ELMO1: variants seen among roughly 807,000 people sequenced by gnomAD.
ELMO1 encodes engulfment and cell motility 1.
In ELMO1, 26 loss-of-function variants were observed where a neutral mutation model predicts 98.9. That is an observed-to-expected ratio of 0.26 (90% confidence interval 0.19 to 0.36). ELMO1 has a LOEUF of 0.36. ELMO1 is among the 10% of genes least tolerant of loss of function. ELMO1 has a pLI of 1.00. For missense variants in ELMO1, 627 were observed against 935.2 expected (o/e 0.67, Z 4.30); for synonymous variants, 346 against 346.0 (o/e 1.00, Z 0.00).
intron 1 of ELMO1, among the ~76,000 whole-genome samples, chr7:37,377,600 C>T (rs1183299303): frequency 6.6e-6 from 1 of 152,014 alleles, no homozygotes; most frequent in African/African-American, 2.4e-5. Flanking sequence ...CTCCAGGAGC[C>T]CTTTTCTCCT....
At position 37,237,755 on chromosome 7, in the gene ELMO1, T is replaced by C. The variant is rs987837913; in HGVS notation, c.450-4561A>G. 2.0e-5 allele frequency among the ~76,000 whole-genome samples: 3 copies of C among 152,212 alleles called. No homozygotes were observed. The East Asian group carries it at 5.8e-4, about 29-fold the overall frequency. ...TTGAGGAAGTAAAATGTATATACAT[T>C]GAAAGGTATGGATTTATAAGTCATC... On this transcript the variant is annotated intron_variant, in intron 7 of 21. Coordinates refer to ENST00000310758, the MANE Select transcript of ELMO1 (RefSeq NM_014800.11).
At chr7:37,026,869 C>A (rs1006245868) in intron 15 of ELMO1, among the ~76,000 whole-genome samples, 2 of 152,228 alleles carry the variant, frequency 1.3e-5, no homozygotes, top group African/African-American at 4.8e-5. Context: ...TTTGTCATGT[C>A]TGCATCCTTC....
chr7:37,231,890 TC>T (rs1228550239), intron 8 of ELMO1, among the ~76,000 whole-genome samples: 1 of 152,156 alleles, frequency 6.6e-6, no homozygotes, highest in Non-Finnish European at 1.5e-5. Context: ...TCTCACTCCG[TC>T]ACCCAGACTG....
chr7:36,886,179 C>A (rs927357419), intron 18 of ELMO1, among the ~76,000 whole-genome samples: 2 of 152,200 alleles, frequency 1.3e-5, no homozygotes, highest in African/African-American at 4.8e-5. Context: ...CCCTCTTCCA[C>A]TGGTCTCACT....
intron 16 of ELMO1, among the ~76,000 whole-genome samples, chr7:36,920,154 G>A (rs909348535): frequency 6.6e-6 from 1 of 152,192 alleles, no homozygotes; most frequent in African/African-American, 2.4e-5. Context: ...CCTTGGCCAG[G>A]CCACCACACA....
intron 13 of ELMO1, among the ~76,000 whole-genome samples, chr7:37,199,453 C>T (rs1170014137): frequency 1.3e-5 from 2 of 152,164 alleles, no homozygotes; most frequent in African/African-American, 4.8e-5. Flanking sequence ...GAACAAGACC[C>T]TGTCTCAAAA....
At chr7:36,882,729 T>C (rs1804581941) in intron 18 of ELMO1, among the ~76,000 whole-genome samples, 2 of 152,226 alleles carry the variant, frequency 1.3e-5, no homozygotes, top group African/African-American at 2.4e-5. Flanking sequence ...TGGTCATAAT[T>C]ATATGAGTAA....
chr7:37,057,205 C>T (rs984696145), intron 15 of ELMO1, among the ~76,000 whole-genome samples: 3 of 151,794 alleles, frequency 2.0e-5, no homozygotes, highest in Non-Finnish European at 4.4e-5. Context: ...ACATTTGTGG[C>T]GGGCTTTACA....
chr7:37,122,144 C>G (rs1786099594), intron 14 of ELMO1, among the ~76,000 whole-genome samples: 1 of 152,140 alleles, frequency 6.6e-6, no homozygotes, highest in South Asian at 2.1e-4. Context: ...AAGCACTAAA[C>G]ATGGAAAGGA....
At chr7:36,980,420 T>C (rs1363535562) in intron 16 of ELMO1, among the ~76,000 whole-genome samples, 6 of 152,190 alleles carry the variant, frequency 3.9e-5, no homozygotes, top group Admixed American at 3.3e-4. Context: ...GACGGATAGA[T>C]AGTTCAGAAG....
At chr7:36,879,276 C>T (rs550815457) in intron 18 of ELMO1, among the ~76,000 whole-genome samples, 4 of 152,284 alleles carry the variant, frequency 2.6e-5, no homozygotes, top group South Asian at 4.1e-4. Flanking sequence ...GCACAGTTGG[C>T]GTTGGCTAAG....
At chr7:36,973,765 C>G (rs569545853) in intron 16 of ELMO1, among the ~76,000 whole-genome samples, 1 of 152,138 alleles carries the variant, frequency 6.6e-6, no homozygotes, top group Non-Finnish European at 1.5e-5. Flanking sequence ...GAGCGGGAAC[C>G]GGGGCTGCGC....
intron 15 of ELMO1, among the ~76,000 whole-genome samples, chr7:37,066,817 G>C (rs1584591401): frequency 3.9e-5 from 6 of 152,158 alleles, no homozygotes; most frequent in African/African-American, 1.2e-4. Context: ...TTGGACTCAA[G>C]AGCTTGCATG....
chr7:37,199,519 C>A (rs1230508695), intron 13 of ELMO1, among the ~76,000 whole-genome samples: 2 of 152,128 alleles, frequency 1.3e-5, no homozygotes, highest in Non-Finnish European at 2.9e-5. Context: ...AGAAGGAGTC[C>A]ACAGGTCATG....
At chr7:37,136,405 T>C (rs911711998) in intron 13 of ELMO1, among the ~76,000 whole-genome samples, 2 of 152,048 alleles carry the variant, frequency 1.3e-5, no homozygotes, top group African/African-American at 2.4e-5. Flanking sequence ...AAAAACATCA[T>C]CACCTAGGCA....
intron 14 of ELMO1, among the ~76,000 whole-genome samples, chr7:37,128,907 C>A (rs2541081): frequency 3.3e-5 from 5 of 151,854 alleles, no homozygotes; most frequent in African/African-American, 1.2e-4. Flanking sequence ...ACATTTAAGG[C>A]TGTACAATGT....
chr7:36,883,174 A>G (rs1286860940), intron 18 of ELMO1, among the ~76,000 whole-genome samples: 3 of 152,194 alleles, frequency 2.0e-5, no homozygotes, highest in Non-Finnish European at 2.9e-5. Flanking sequence ...GAGTTCCAAC[A>G]TAAGCCTGTC....
chr7:36,879,452 CTAAAAAGCTCTTCATTATATTT>C (rs991871304), intron 18 of ELMO1, among the ~76,000 whole-genome samples: 6 of 152,246 alleles, frequency 3.9e-5, no homozygotes, highest in African/African-American at 1.4e-4. Context: ...GCCACTCTAA[CTAAAAAGCTCTTCATTATATTT>C]TAAGAAAAGT....
chr7:37,244,899 G>A (rs1369085589), intron 6 of ELMO1, among the ~76,000 whole-genome samples: 1 of 152,248 alleles, frequency 6.6e-6, no homozygotes, highest in African/African-American at 2.4e-5. Flanking sequence ...TTGCACTAGT[G>A]TTAAATCCCA....
Sources: allele counts gnomAD v4.1 joint callset (sites outside exome capture counted in the v4.1 genomes callset), GRCh38; gene constraint gnomAD v4.1.1; transcripts MANE v1.5; gene names NCBI Gene and HGNC (gene_info 2026-07-23, HGNC 2026-07-21).